Variants in PLBD2 observed in about 807,000 individuals in gnomAD.
PLBD2 encodes the protein putative aminopeptidase PLBD2.
PLBD2 carries 51 observed loss-of-function variants against 68.3 expected under a neutral mutation model. That is an observed-to-expected ratio of 0.75 (90% confidence interval 0.60 to 0.94). The LOEUF (loss-of-function observed/expected upper bound fraction) is 0.94, where lower values mean the gene tolerates loss of function less well. PLBD2 is among the 40% of genes least tolerant of loss of function. PLBD2 has a pLI of 0.00. For missense variants in PLBD2, 729 were observed against 792.2 expected, an observed-to-expected ratio of 0.92 and a Z score of 0.96; for synonymous variants, 314 against 339.3, an observed-to-expected ratio of 0.93 and a Z score of 0.82.
At chr12:113,387,973 G>C in intron 11 of PLBD2, 67 bp downstream of exon 11, 2 of 1,572,128 alleles carry the variant, frequency 1.3e-6, no homozygotes, top group Non-Finnish European at 1.7e-6. Context: ...TTTGGGGAAG[G>C]GACAGGTTGG....
At position 113,384,912 on chromosome 12, in the gene PLBD2, G is replaced by A. The variant is rs145677929; in HGVS notation, c.1180G>A (p.Gly394Arg). ...GTTCATCCCGGGTGGGCCCAGCCCC[G>A]GGAGCCGGGTGCTTACCATCCTGGA... ...KAFIPGGPSPGSRVLTILEQI... is the reference protein window; with the variant it reads ...KAFIPGGPSPRSRVLTILEQI... Residue 394 changes from glycine to arginine, a missense_variant, in exon 8 of 12, where the codon GGG becomes AGG. By Grantham distance (125) the Gly-to-Arg change is moderately radical. Coordinates refer to ENST00000280800, the MANE Select transcript of PLBD2 (RefSeq NM_173542.4). This position sits in a 1 kb window ranked among gnomAD's most constrained non-coding sequence, Gnocchi z 4.2. 103 of 1,613,912 alleles carry A rather than the reference G, an allele frequency of 6.4e-5. No homozygotes were observed. In the East Asian group the frequency reaches 1.7e-3, roughly 27 times the overall value.
rs1391650085 is a variant in PLBD2, at chr12:113,358,847, G to A, written c.247G>A (p.Ala83Thr). ...LLMVDGRHPD[A>T]VAWANLTNAI... ...TATGGTGGACGGACGCCACCCTGAC[G>A]CCGTGGCCTGGGCCAACCTCACCAA... Residue 83 changes from alanine (A) to threonine (T), a missense_variant, in exon 1 of 12, where the codon GCC becomes ACC. Transcript: ENST00000280800. The A allele has an allele frequency of 1.3e-5, 20 of 1,520,998 alleles. No homozygotes were observed. Among genetic ancestry groups the A allele is most frequent in the Admixed American group, 4.2e-5 (2 of 47,476 alleles). 94.2% of individuals were successfully genotyped at this position (1,520,998 alleles called of 1,614,324 possible).
chr12:113,387,989 A>G (rs1174245297), intron 11 of PLBD2, 83 bp downstream of exon 11: 3 of 1,506,950 alleles, frequency 2.0e-6, no homozygotes, highest in African/African-American at 2.7e-5. Context: ...GTTGGGGCAA[A>G]GCTGATGGCG....
intron 6 of PLBD2, 146 bp from the exon 7 acceptor site, chr12:113,383,959 A>C: frequency 3.1e-6 from 2 of 647,868 alleles, no homozygotes; most frequent in Non-Finnish European, 4.6e-6. Context: ...AGGTTACACC[A>C]CTGCACTCCA....
intron 3 of PLBD2, among the ~76,000 whole-genome samples, chr12:113,373,567 CCCAT>C (rs1054135761): frequency 6.6e-6 from 1 of 152,010 alleles, no homozygotes; most frequent in Admixed American, 6.6e-5. Flanking sequence ...CATCCATCCA[CCCAT>C]CCATCCATCC....
At chr12:113,375,626 G>C (rs1216910380) in intron 5 of PLBD2, among the ~76,000 whole-genome samples, 1 of 152,218 alleles carries the variant, frequency 6.6e-6, no homozygotes, top group East Asian at 1.9e-4. Flanking sequence ...GGCTGATCTT[G>C]GCTAGGCTCA....
intron 2 of PLBD2, among the ~76,000 whole-genome samples, chr12:113,369,661 C>T (rs1017693439): frequency 4.6e-5 from 7 of 151,954 alleles, no homozygotes; most frequent in East Asian, 1.9e-4. Context: ...ACATGCTAAA[C>T]GAAAAAAACC....
Position 113,387,809 on chromosome 12 carries a change from A to T in PLBD2, c.1505A>T (p.Glu502Val). ...CKACNPQPNG[E>V]NAISARSDLN... ...GCCTGCAACCCCCAGCCCAATGGGG[A>T]GAATGCTATCTCCGCCCGCTCCGAC... Residue 502 changes from glutamate to valine, a missense_variant, in exon 11 of 12, where the codon GAG (glutamate) becomes GTG (valine). Physicochemically the swap from Glu to Val is moderately radical, Grantham distance 121 (BLOSUM62 -2). Coordinates refer to ENST00000280800, the MANE Select transcript of PLBD2 (RefSeq NM_173542.4). The T allele has an allele frequency of 6.2e-7, 1 of 1,614,094 alleles. No homozygotes were observed. The highest frequency in any genetic ancestry group is 2.2e-5 in the East Asian group (1 of 44,878).
intron 9 of PLBD2, among the ~76,000 whole-genome samples, chr12:113,386,495 A>G (rs942202959): frequency 6.9e-5 from 10 of 145,300 alleles, no homozygotes; most frequent in Admixed American, 1.4e-4. Context: ...CTGGGATTAC[A>G]GGCACGTGCC....
intron 5 of PLBD2, among the ~76,000 whole-genome samples, chr12:113,377,761 C>T (rs1489119796): frequency 6.6e-6 from 1 of 152,146 alleles, no homozygotes; most frequent in Non-Finnish European, 1.5e-5. Flanking sequence ...CTCATTTGTT[C>T]TGCATGTCTG....
At chr12:113,382,208 G>C (rs1241442416) in intron 6 of PLBD2, among the ~76,000 whole-genome samples, 2 of 152,164 alleles carry the variant, frequency 1.3e-5, no homozygotes, top group Non-Finnish European at 2.9e-5. Context: ...CAAAATATAA[G>C]TAAACTTTTA....
chr12:113,380,789 T>C lies in PLBD2; in HGVS notation c.904T>C (p.Tyr302His). ...CGGCAACAAGCTGGTCTTCTCCTCC[T>C]ACCCCGGCACCATCTTCTCCTGCGA... The part of the protein sequence containing the change: ...VPGNKLVFSS[Y>H]PGTIFSCDDF... The change falls in exon 6 of 12, where the codon TAC becomes CAC. Residue 302 changes from tyrosine (Y) to histidine (H), a missense_variant. Physicochemically the swap from Tyr to His is moderately conservative, Grantham distance 83. Transcript: ENST00000280800. 1 of 1,556,332 alleles carries C rather than the reference T, an allele frequency of 6.4e-7. No homozygotes were observed.
intron 2 of PLBD2, among the ~76,000 whole-genome samples, chr12:113,370,592 C>T (rs1207758328): frequency 6.6e-6 from 1 of 151,056 alleles, no homozygotes; most frequent in Non-Finnish European, 1.5e-5. Flanking sequence ...ATTCTCATGC[C>T]TCAGCCTCCA....
intron 8 of PLBD2, 70 bp downstream of exon 8, chr12:113,385,016 G>A (rs1957536655): frequency 1.7e-5 from 25 of 1,460,636 alleles, no homozygotes; most frequent in South Asian, 1.1e-4. Flanking sequence ...GCCCAGAGCC[G>A]TGCTGGCGCT....
chr12:113,364,064 G>A (rs903849177), intron 1 of PLBD2, among the ~76,000 whole-genome samples: 23 of 152,238 alleles, frequency 1.5e-4, no homozygotes, highest in African/African-American at 5.5e-4. Flanking sequence ...GGCCCCTAAT[G>A]ATGGGTGTTT....
At chr12:113,375,264 G>T (rs947768228) in intron 5 of PLBD2, 3 of 505,222 alleles carry the variant, frequency 5.9e-6, no homozygotes, top group South Asian at 2.3e-5. Context: ...TCCTGCCTCA[G>T]CCTCCCAAGT....
chr12:113,358,716 CG>C lies in PLBD2; in HGVS notation c.121del (p.Ala41ArgfsTer95). The C allele has an allele frequency of 1.4e-6, 2 of 1,394,742 alleles. No individual in the cohort carries two copies. The highest frequency in any genetic ancestry group is 1.6e-5 in the South Asian group (1 of 60,762). 86.4% of individuals were successfully genotyped at this position (1,394,742 alleles called of 1,614,324 possible). On this transcript the variant is annotated frameshift_variant, in exon 1 of 12. Transcript: ENST00000280800. LOFTEE classifies it high-confidence loss of function. Reference sequence around the variant, plus strand: ...GTCGGGCCGTTCCTGAGCGGCCTGGCGGGGGCGATCCCAGCGCCGGGGGGCC... The same window carrying C: ...GTCGGGCCGTTCCTGAGCGGCCTGGCGGGGCGATCCCAGCGCCGGGGGGCC... ...LLVGPFLSGL[A>X]GAIPAPGGRW...
chr12:113,387,718 G>A, intron 10 of PLBD2, 26 bp from the exon 11 acceptor site: 2 of 1,607,786 alleles, frequency 1.2e-6, no homozygotes, highest in South Asian at 1.1e-5. Context: ...TGGGATGACT[G>A]ATGTTCCCTC....
rs1957574648 is a variant in PLBD2, at chr12:113,388,388, G to T, written c.1603-71G>T. ...ATTGGGCTCTGGGGTCAAGGTCAGG[G>T]TGGGAGGCTGGGTGCCTGGATTGGG... is the stretch of plus-strand genomic sequence containing the variant. On this transcript the variant is annotated intron_variant, in intron 11 of 11. Coordinates refer to ENST00000280800, the MANE Select transcript of PLBD2 (RefSeq NM_173542.4). The T allele has an allele frequency of 2.8e-6, 4 of 1,418,870 alleles. No individual in the cohort carries two copies. In the East Asian group the frequency reaches 7.9e-5, roughly 28 times the overall value. 87.9% of individuals were successfully genotyped at this position (1,418,870 alleles called of 1,614,324 possible). A position where few individuals can be genotyped will look rare whatever the true frequency, so the allele number is the denominator to read the frequency against.
Sources: allele counts gnomAD v4.1 joint callset (sites outside exome capture counted in the v4.1 genomes callset), GRCh38; gene constraint gnomAD v4.1.1; non-coding constraint Gnocchi (gnomAD v3.1); transcripts MANE v1.5; gene names NCBI Gene and HGNC (gene_info 2026-07-23, HGNC 2026-07-21).